Variants in ZFHX3 observed in about 807,000 individuals in gnomAD.
The protein encoded by ZFHX3 is zinc finger homeobox protein 3.
In ZFHX3, 42 loss-of-function variants were observed where a neutral mutation model predicts 279.1. The observed-to-expected ratio is 0.15, with a 90% CI of 0.12 to 0.19. The LOEUF is 0.19. ZFHX3 is among the 10% of genes least tolerant of loss of function. The probability of loss-of-function intolerance (pLI) is 1.00; values close to 1 mark genes in which losing one functional copy is unlikely to be tolerated. For synonymous variants in ZFHX3, 2,293 were observed against 1,957.8 expected (o/e 1.17, Z -4.52); for missense variants, 4,981 against 4,754.0 (o/e 1.05, Z -1.40).
intron 5 of ZFHX3, among the ~76,000 whole-genome samples, chr16:73,188,553 G>A (rs1352809569): frequency 2.6e-5 from 4 of 152,236 alleles, no homozygotes; most frequent in African/African-American, 9.6e-5. Context: ...CAGGGACAAA[G>A]AGAGAAATAG....
At chr16:73,890,813 C>A (rs2030510041) in intron 1 of ZFHX3, among the ~76,000 whole-genome samples, 2 of 152,152 alleles carry the variant, frequency 1.3e-5, no homozygotes, top group Non-Finnish European at 2.9e-5. Flanking sequence ...CGGCACTGAC[C>A]ACTTAAAATT....
At chr16:73,355,419 G>C (rs939712963) in intron 3 of ZFHX3, among the ~76,000 whole-genome samples, 1 of 152,156 alleles carries the variant, frequency 6.6e-6, no homozygotes, top group African/African-American at 2.4e-5. Context: ...ACACCAAGGA[G>C]TTCCTCTCTC....
chr16:72,894,694 A>G (rs1355923393), intron 3 of ZFHX3, among the ~76,000 whole-genome samples: 1 of 152,210 alleles, frequency 6.6e-6, no homozygotes, highest in Non-Finnish European at 1.5e-5. Flanking sequence ...AATGTATTTA[A>G]TTAAATTCAC....
chr16:73,177,271 A>C (rs1967686213), intron 5 of ZFHX3, among the ~76,000 whole-genome samples: 1 of 152,190 alleles, frequency 6.6e-6, no homozygotes, highest in Non-Finnish European at 1.5e-5. Context: ...TTCTATGCAA[A>C]AGAGGCTCCA....
intron 1 of ZFHX3, among the ~76,000 whole-genome samples, chr16:73,779,696 T>C (rs886573300): frequency 6.6e-6 from 1 of 152,162 alleles, no homozygotes; most frequent in Non-Finnish European, 1.5e-5. Context: ...ACAACAAAGA[T>C]ACCTTTGATG....
intron 5 of ZFHX3, among the ~76,000 whole-genome samples, chr16:73,222,551 T>C (rs1324612239): frequency 6.6e-6 from 1 of 152,092 alleles, no homozygotes; most frequent in African/African-American, 2.4e-5. Flanking sequence ...CCACAAAACT[T>C]TGATGGAAGA....
intron 1 of ZFHX3, among the ~76,000 whole-genome samples, chr16:72,972,326 GA>G (rs1962143691): frequency 6.6e-6 from 1 of 152,106 alleles, no homozygotes; most frequent in African/African-American, 2.4e-5. Context: ...TCCTGGACAG[GA>G]GAGAGTCTGA....
At chr16:72,826,197 A>T (rs2036923847) in intron 5 of ZFHX3, among the ~76,000 whole-genome samples, 1 of 152,184 alleles carries the variant, frequency 6.6e-6, no homozygotes, top group South Asian at 2.1e-4. Context: ...AAGAATCCCA[A>T]AGAGGAACCC....
At chr16:73,232,141 C>T (rs947332451) in intron 5 of ZFHX3, 1 of 152,218 alleles carries the variant, frequency 6.6e-6, no homozygotes, top group South Asian at 2.1e-4. Flanking sequence ...CTGGTTCGCA[C>T]GCATTCCGGT....
chr16:73,777,250 T>G (rs1445638286), intron 1 of ZFHX3, among the ~76,000 whole-genome samples: 1 of 152,104 alleles, frequency 6.6e-6, no homozygotes, highest in Non-Finnish European at 1.5e-5. Context: ...ATGCCTGTAA[T>G]CCCAGCACTT....
intron 3 of ZFHX3, among the ~76,000 whole-genome samples, chr16:73,349,977 C>T (rs529516187): frequency 3.3e-5 from 5 of 150,306 alleles, no homozygotes; most frequent in Admixed American, 6.6e-5. Context: ...AGGCCTGATA[C>T]CCATGGCTTT....
At chr16:73,350,222 C>T (rs1015428383) in intron 3 of ZFHX3, among the ~76,000 whole-genome samples, 1 of 152,164 alleles carries the variant, frequency 6.6e-6, no homozygotes, top group Non-Finnish European at 1.5e-5. Flanking sequence ...TGATTACCTT[C>T]TCCATTCTGA....
chr16:73,357,310 A>C (rs2016359575), intron 3 of ZFHX3, among the ~76,000 whole-genome samples: 1 of 152,068 alleles, frequency 6.6e-6, no homozygotes, highest in South Asian at 2.1e-4. Context: ...AAGAAGGTTA[A>C]AATGAAATTA....
chr16:73,872,495 A>G (rs1458465254), intron 1 of ZFHX3, among the ~76,000 whole-genome samples: 3 of 151,858 alleles, frequency 2.0e-5, no homozygotes, highest in Non-Finnish European at 4.4e-5. Context: ...TCAGCCTCCC[A>G]AATTGCTGGG....
At chr16:73,857,058 C>T (rs1961749931) in intron 1 of ZFHX3, among the ~76,000 whole-genome samples, 1 of 152,178 alleles carries the variant, frequency 6.6e-6, no homozygotes, top group Non-Finnish European at 1.5e-5. Context: ...TCAGGAAGAG[C>T]CTTTCCTACC....
At chr16:73,305,589 G>A (rs2143146246) in intron 4 of ZFHX3, among the ~76,000 whole-genome samples, 1 of 151,902 alleles carries the variant, frequency 6.6e-6, no homozygotes, top group South Asian at 2.1e-4. Context: ...ATGGCCGTGT[G>A]CATTTTCCTA....
chr16:73,487,054 G>A (rs1270899943), intron 2 of ZFHX3, among the ~76,000 whole-genome samples: 1 of 152,188 alleles, frequency 6.6e-6, no homozygotes, highest in Admixed American at 6.5e-5. Context: ...ATGGAAAATG[G>A]TATGAGAGAT....
At chr16:73,118,093 A>T (rs537379096) in intron 7 of ZFHX3, among the ~76,000 whole-genome samples, 3 of 152,224 alleles carry the variant, frequency 2.0e-5, no homozygotes, top group Non-Finnish European at 4.4e-5. Flanking sequence ...GCATGTTCCC[A>T]TTGCCTTCCT....
chr16:73,504,133 T>C (rs1013016672), intron 2 of ZFHX3: 1 of 152,172 alleles, frequency 6.6e-6, no homozygotes, highest in Non-Finnish European at 1.5e-5. Context: ...TTCTCTCTTT[T>C]TCTCTCTCCC....
Sources: gnomAD v4.1 joint callset for allele counts (sites outside exome capture counted in the v4.1 genomes callset) on GRCh38, gnomAD v4.1.1 for gene constraint, MANE v1.5 for transcripts, NCBI Gene and HGNC (gene_info 2026-07-23, HGNC 2026-07-21) for gene names.